SLC20A2: variants seen among roughly 807,000 people sequenced by gnomAD.
SLC20A2 encodes sodium-dependent phosphate transporter 2.
SLC20A2 carries 30 observed loss-of-function variants against 61.0 expected under a neutral mutation model. The observed-to-expected ratio is 0.49, with a 90% CI of 0.37 to 0.67. The LOEUF (loss-of-function observed/expected upper bound fraction) is 0.67. SLC20A2 is among the 30% of genes least tolerant of loss of function. The probability of loss-of-function intolerance (pLI) is 0.00; values close to 1 mark genes in which losing one functional copy is unlikely to be tolerated. For missense variants in SLC20A2, 626 were observed against 866.4 expected (o/e 0.72, Z 3.48); for synonymous variants, 351 against 353.3 (o/e 0.99, Z 0.07).
chr8:42,459,406 C>T (rs1313314875), intron 5 of SLC20A2, among the ~76,000 whole-genome samples: 1 of 152,098 alleles, frequency 6.6e-6, no homozygotes, highest in Non-Finnish European at 1.5e-5. Flanking sequence ...GGGGTCTGTA[C>T]TCTGTGCTGT....
chr8:42,433,106 C>T (rs1244036507), intron 8 of SLC20A2, among the ~76,000 whole-genome samples: 2 of 152,012 alleles, frequency 1.3e-5, no homozygotes, highest in Non-Finnish European at 2.9e-5. Context: ...ATAAAATTTA[C>T]CATCGTAATC....
intron 1 of SLC20A2, among the ~76,000 whole-genome samples, chr8:42,488,910 T>C (rs907046976): frequency 6.6e-6 from 1 of 151,974 alleles, no homozygotes; most frequent in African/African-American, 2.4e-5. Flanking sequence ...TCGTTTGCTT[T>C]TTGTTTTTGA....
intron 10 of SLC20A2, among the ~76,000 whole-genome samples, chr8:42,428,016 A>G (rs1160298735): frequency 1.3e-5 from 2 of 152,212 alleles, no homozygotes; most frequent in South Asian, 2.1e-4. Context: ...GAGCTATTTT[A>G]GAAGTATCTG....
At chr8:42,492,499 G>A (rs1481934581) in intron 1 of SLC20A2, among the ~76,000 whole-genome samples, 2 of 152,132 alleles carry the variant, frequency 1.3e-5, no homozygotes, top group Non-Finnish European at 2.9e-5. Context: ...AAAGGAAGGC[G>A]AGCATAAAAA....
At chr8:42,516,821 C>T (rs566472685) in intron 1 of SLC20A2, among the ~76,000 whole-genome samples, 9 of 151,908 alleles carry the variant, frequency 5.9e-5, no homozygotes, top group Middle Eastern at 3.4e-3. Flanking sequence ...AATTCATCAA[C>T]GGTGCTCTAA....
At chr8:42,479,956 A>G (rs1808435535) in intron 1 of SLC20A2, among the ~76,000 whole-genome samples, 1 of 152,240 alleles carries the variant, frequency 6.6e-6, no homozygotes, top group Admixed American at 6.5e-5. Context: ...ATCAGCCTCA[A>G]CTGCTCAAGC....
chr8:42,489,467 C>T (rs975647687), intron 1 of SLC20A2, among the ~76,000 whole-genome samples: 2 of 138,802 alleles, frequency 1.4e-5, no homozygotes, highest in Admixed American at 1.6e-4. Flanking sequence ...TTCACACGAG[C>T]TAGTTTCTTT....
intron 1 of SLC20A2, among the ~76,000 whole-genome samples, chr8:42,537,178 G>A (rs935078415): frequency 2.0e-5 from 3 of 151,906 alleles, no homozygotes; most frequent in African/African-American, 7.3e-5. Flanking sequence ...GAGCCCAGGA[G>A]TTCAAGACCA....
intron 2 of SLC20A2, among the ~76,000 whole-genome samples, chr8:42,468,368 G>T (rs1034160913): frequency 6.6e-6 from 1 of 152,182 alleles, no homozygotes; most frequent in Admixed American, 6.5e-5. Context: ...AAGGTAGGGA[G>T]TAATGGGACC....
At chr8:42,506,925 T>C (rs1810744757) in intron 1 of SLC20A2, among the ~76,000 whole-genome samples, 1 of 152,186 alleles carries the variant, frequency 6.6e-6, no homozygotes, top group South Asian at 2.1e-4. Flanking sequence ...CACCCTCTCT[T>C]GCAACTTCGA....
At chr8:42,524,408 C>T (rs1477954702) in intron 1 of SLC20A2, among the ~76,000 whole-genome samples, 1 of 151,992 alleles carries the variant, frequency 6.6e-6, no homozygotes, top group African/African-American at 2.4e-5. Flanking sequence ...GTGGTGGGGA[C>T]ATGATTAATT....
intron 10 of SLC20A2, among the ~76,000 whole-genome samples, chr8:42,422,144 C>G (rs1803088240): frequency 2.0e-5 from 3 of 152,166 alleles, no homozygotes; most frequent in Admixed American, 6.5e-5. Flanking sequence ...CCTCCACCTC[C>G]TGGGTTCAAG....
chr8:42,439,305 C>T, intron 7 of SLC20A2, 145 bp downstream of exon 7: 1 of 730,294 alleles, frequency 1.4e-6, no homozygotes, highest in Non-Finnish European at 2.2e-6. Flanking sequence ...TGAGGCCTCC[C>T]TAGCTTCTGG....
intron 5 of SLC20A2, among the ~76,000 whole-genome samples, chr8:42,451,349 G>GAA (rs1805624157): frequency 1.4e-5 from 2 of 147,952 alleles, no homozygotes. Flanking sequence ...AGGAAGAGAT[G>GAA]GAGGAGGAGG....
chr8:42,420,580 T>A (rs182155661), intron 10 of SLC20A2, among the ~76,000 whole-genome samples: 5 of 152,342 alleles, frequency 3.3e-5, no homozygotes, highest in Non-Finnish European at 2.9e-5. Flanking sequence ...ATTCAACCTT[T>A]CAAACACTTA....
chr8:42,541,670 C>G (rs1185490525), intron 1 of SLC20A2: 1 of 149,894 alleles, frequency 6.7e-6, no homozygotes, highest in Non-Finnish European at 1.5e-5. Flanking sequence ...CGGAGCGGAG[C>G]AGCGCTGGCC....
intron 1 of SLC20A2, among the ~76,000 whole-genome samples, chr8:42,513,706 G>T (rs1391231020): frequency 6.6e-6 from 1 of 152,104 alleles, no homozygotes; most frequent in Non-Finnish European, 1.5e-5. Context: ...GAAAAGAAAT[G>T]AATAGGATCT....
At chr8:42,485,735 C>G (rs1176635651) in intron 1 of SLC20A2, among the ~76,000 whole-genome samples, 1 of 150,030 alleles carries the variant, frequency 6.7e-6, no homozygotes, top group African/African-American at 2.5e-5. Flanking sequence ...ATCACAAGGT[C>G]AAGAGATCAA....
chr8:42,429,784 A>G (rs1803706609), intron 9 of SLC20A2, among the ~76,000 whole-genome samples: 1 of 152,030 alleles, frequency 6.6e-6, no homozygotes, highest in African/African-American at 2.4e-5. Flanking sequence ...GCTGAGGGTG[A>G]GCTTCTCCTC....
Sources: gnomAD v4.1 joint callset for allele counts (sites outside exome capture counted in the v4.1 genomes callset) on GRCh38, gnomAD v4.1.1 for gene constraint, MANE v1.5 for transcripts, NCBI Gene and HGNC (gene_info 2026-07-23, HGNC 2026-07-21) for gene names.